CNOT10: variants seen among roughly 807,000 people sequenced by gnomAD.
CNOT10 encodes CCR4-NOT transcription complex subunit 10.
CNOT10 carries 30 observed loss-of-function variants against 94.6 expected under a neutral mutation model. The ratio of observed to expected loss-of-function variants is 0.32; its 90% CI spans 0.24 to 0.43. The LOEUF (loss-of-function observed/expected upper bound fraction) is 0.43, where lower values mean the gene tolerates loss of function less well. Among genes scored for constraint, CNOT10 ranks in the 20% least tolerant of loss-of-function variants. CNOT10 has a pLI of 1.00. For missense variants in CNOT10, 759 were observed against 877.2 expected, an observed-to-expected ratio of 0.87 and a Z score of 1.70; for synonymous variants, 289 against 301.6, an observed-to-expected ratio of 0.96 and a Z score of 0.43.
chr3:32,759,751 T>C (rs1700364594), intron 14 of CNOT10, among the ~76,000 whole-genome samples, 180 bp downstream of exon 14: 1 of 152,220 alleles, frequency 6.6e-6, no homozygotes, highest in African/African-American at 2.4e-5. Flanking sequence ...TCACTTGTGC[T>C]GTACTGAGCG....
rs141697883 is a variant in CNOT10, at chr3:32,716,032, C to G, written c.574-193C>G. The G allele has an allele frequency of 1.5e-4, 63 of 424,638 alleles. No individual in the cohort carries two copies. In the East Asian group the frequency reaches 2.2e-3, roughly 15 times the overall value. 26.3% of individuals were successfully genotyped at this position (424,638 alleles called of 1,614,324 possible). On this transcript the variant is annotated intron_variant, in intron 5 of 18. Transcript: ENST00000328834. ...ATGTTACTCAAGCTGGTCTCGAACT[C>G]CTGGGCTCAAGCGATCCGCCCGCCT...
intron 13 of CNOT10, among the ~76,000 whole-genome samples, chr3:32,749,997 C>A: frequency 6.6e-6 from 1 of 151,838 alleles, no homozygotes; most frequent in East Asian, 1.9e-4. Flanking sequence ...TGGGAGGATC[C>A]CTTGAGTCCA....
intron 4 of CNOT10, 121 bp from the exon 5 acceptor site, chr3:32,713,106 C>G: frequency 1.4e-6 from 1 of 727,610 alleles, no homozygotes; most frequent in Admixed American, 3.2e-5. Context: ...GATAGGCATT[C>G]ATTTGAGTAA....
intron 10 of CNOT10, chr3:32,730,868 A>G (rs1698910634): frequency 6.6e-6 from 1 of 152,194 alleles, no homozygotes; most frequent in Non-Finnish European, 1.5e-5. Flanking sequence ...AAATAGTCCC[A>G]ATATTTTAAT....
chr3:32,719,299 A>G (rs1014443394), intron 7 of CNOT10, among the ~76,000 whole-genome samples: 1 of 152,190 alleles, frequency 6.6e-6, no homozygotes, highest in African/African-American at 2.4e-5. Flanking sequence ...GCATGCCTGT[A>G]ATCCCAGCTA....
intron 13 of CNOT10, among the ~76,000 whole-genome samples, chr3:32,741,544 C>T (rs141200855): frequency 0.02 from 2,975 of 152,020 alleles, 48 homozygotes; most frequent in East Asian, 0.047. Context: ...CCGAGGCGAG[C>T]GGATCACGAG....
At chr3:32,703,598 G>A (rs539762032) in intron 1 of CNOT10, among the ~76,000 whole-genome samples, 1 of 152,252 alleles carries the variant, frequency 6.6e-6, no homozygotes, top group South Asian at 2.1e-4. Flanking sequence ...CCAAGGGGGA[G>A]GTATCTTATA....
At chr3:32,762,710 T>G (rs781372550) in intron 14 of CNOT10, 23 bp from the exon 15 acceptor site, 22 of 1,580,624 alleles carry the variant, frequency 1.4e-5, no homozygotes, top group South Asian at 1.2e-4. Context: ...CTTTTCAGTT[T>G]GGAATCTGTT....
chr3:32,687,459 T>G (rs1305840201), intron 1 of CNOT10, among the ~76,000 whole-genome samples: 2,072 of 110,120 alleles, frequency 0.019, 72 homozygotes, highest in South Asian at 0.051. Flanking sequence ...TTTGTTTTTT[T>G]TTTTTTTTTT....
intron 1 of CNOT10, chr3:32,693,543 C>CTTT (rs374393225): frequency 1.5e-5 from 2 of 137,046 alleles, no homozygotes; most frequent in Non-Finnish European, 3.2e-5. Flanking sequence ...ATATATTGGT[C>CTTT]TTTTTTTTTT....
At chr3:32,726,161 T>C (rs927013884) in intron 9 of CNOT10, among the ~76,000 whole-genome samples, 5 of 152,082 alleles carry the variant, frequency 3.3e-5, no homozygotes, top group African/African-American at 1.2e-4. Flanking sequence ...CCCAGGCTGG[T>C]CTGGAACTCC....
chr3:32,690,434 G>A (rs965935481), intron 1 of CNOT10, among the ~76,000 whole-genome samples: 1 of 152,084 alleles, frequency 6.6e-6, no homozygotes, highest in African/African-American at 2.4e-5. Flanking sequence ...ACCCATGTTG[G>A]TGTGCAGTGG....
intron 18 of CNOT10, among the ~76,000 whole-genome samples, chr3:32,770,476 C>T (rs561280052): frequency 1.3e-5 from 2 of 151,610 alleles, no homozygotes; most frequent in East Asian, 4.0e-4. Flanking sequence ...CAGGCGCCCG[C>T]CACCACGCCC....
intron 3 of CNOT10, among the ~76,000 whole-genome samples, chr3:32,707,749 G>C (rs1697690568): frequency 6.6e-6 from 1 of 151,974 alleles, no homozygotes; most frequent in Non-Finnish European, 1.5e-5. Flanking sequence ...GTTACACTGA[G>C]CTGAGTTCGT....
chr3:32,739,071 A>C (rs1699330826), intron 13 of CNOT10, among the ~76,000 whole-genome samples: 1 of 151,538 alleles, frequency 6.6e-6, no homozygotes, highest in South Asian at 2.1e-4. Flanking sequence ...CGCCTGGCTA[A>C]ATTTTTGTGT....
chr3:32,704,921 C>T lies in CNOT10; in HGVS notation c.228C>T (p.Asn76=). ...NTAVAEFFKS[N]QTTTDNLRQT... ...CAGTAGCTGAGTTTTTTAAAAGTAA[C>T]CAAACAACAACAGATAATTTGAGAC... The change falls in exon 3 of 19, where the codon AAC becomes AAT. Residue 76 remains asparagine, a synonymous_variant. Coordinates refer to ENST00000328834, the MANE Select transcript of CNOT10 (RefSeq NM_015442.3). 3 of 1,561,242 alleles carry T rather than the reference C, an allele frequency of 1.9e-6. No homozygotes were observed. The highest frequency in any genetic ancestry group is 2.6e-6 in the Non-Finnish European group (3 of 1,163,470).
rs946871167 is a variant in CNOT10, at chr3:32,704,795, G to C, written c.118-16G>C. 1 of 1,536,570 alleles carries C rather than the reference G, an allele frequency of 6.5e-7. No individual in the cohort carries two copies. The highest frequency in any genetic ancestry group is 2.3e-5 in the Admixed American group (1 of 42,814). Reference sequence around the variant, plus strand: ...TATGTAATTTTGTGTGTGTGTGTGTGGTTTTTTTTTTTTAGTCTGGAAATT... The same window carrying C: ...TATGTAATTTTGTGTGTGTGTGTGTCGTTTTTTTTTTTTAGTCTGGAAATT... On this transcript the variant is annotated splice_polypyrimidine_tract_variant and intron_variant, in intron 2 of 18. Coordinates refer to ENST00000328834, the MANE Select transcript of CNOT10 (RefSeq NM_015442.3).
intron 18 of CNOT10, among the ~76,000 whole-genome samples, chr3:32,771,015 C>T (rs1168649510): frequency 1.3e-5 from 2 of 151,908 alleles, no homozygotes; most frequent in Non-Finnish European, 2.9e-5. Context: ...GACGACCCAT[C>T]AAATTCTTCT....
chr3:32,721,966 G>GC (rs1336673762), intron 8 of CNOT10, among the ~76,000 whole-genome samples: 1 of 151,758 alleles, frequency 6.6e-6, no homozygotes, highest in Non-Finnish European at 1.5e-5. Context: ...ACATATTCTT[G>GC]CCTCTATTTA....
Sources: allele counts gnomAD v4.1 joint callset (sites outside exome capture counted in the v4.1 genomes callset), GRCh38; gene constraint gnomAD v4.1.1; transcripts MANE v1.5; gene names NCBI Gene and HGNC (gene_info 2026-07-23, HGNC 2026-07-21).